The following SMC1A variants were observed in gnomAD, a reference collection of about 807,000 sequenced individuals.
The protein encoded by SMC1A is structural maintenance of chromosomes 1A, also known as structural maintenance of chromosomes protein 1A.
Under a neutral mutation model 94.5 loss-of-function variants are expected in SMC1A, and 4 were observed. The observed-to-expected ratio is 0.04, with a 90% confidence interval of 0.02 to 0.10. The LOEUF is 0.10. Among genes scored for constraint, SMC1A ranks in the 10% least tolerant of loss-of-function variants. The pLI is 1.00. For synonymous variants in SMC1A, 345 were observed against 347.7 expected (o/e 0.99, Z 0.09); for missense variants, 304 against 989.0 (o/e 0.31, Z 9.29).
At chrX:53,416,531 C>T (rs2075733078) in intron 1 of SMC1A, among the ~76,000 whole-genome samples, 1 of 106,256 alleles carries the variant, frequency 9.4e-6, no homozygotes, top group Non-Finnish European at 1.9e-5. Context: ...GCTGGGATTA[C>T]AGGCACACAT....
At chrX:53,388,742 A>G (rs1385864539) in intron 19 of SMC1A, among the ~76,000 whole-genome samples, 4 of 109,963 alleles carry the variant, frequency 3.6e-5, no homozygotes, top group African/African-American at 9.9e-5. Flanking sequence ...TCACACCTGT[A>G]ATCCGAGCAC....
At chrX:53,381,126 G>C in intron 22 of SMC1A, 39 bp from the exon 23 acceptor site, 1 of 889,084 alleles carries the variant, frequency 1.1e-6, no homozygotes, top group Non-Finnish European at 1.7e-6. Context: ...ACTGAGGCGG[G>C]GAGGGGGTGG....
intron 19 of SMC1A, among the ~76,000 whole-genome samples, chrX:53,383,893 C>A (rs1556886210): frequency 9.0e-6 from 1 of 111,558 alleles, no homozygotes; most frequent in Non-Finnish European, 1.9e-5. Flanking sequence ...AAGTAAACAA[C>A]CAGAATACTG....
intron 15 of SMC1A, 109 bp from the exon 16 acceptor site, chrX:53,399,839 G>A (rs1387904237): frequency 1.3e-6 from 1 of 774,647 alleles, no homozygotes; most frequent in Admixed American, 3.0e-5. Context: ...AGGGCTCAGG[G>A]ACCCAGAGTT....
chrX:53,419,890 C>T (rs193202319), intron 1 of SMC1A, among the ~76,000 whole-genome samples: 1 of 109,718 alleles, frequency 9.1e-6, no homozygotes, highest in Admixed American at 9.8e-5. Context: ...TGCAGTGAGC[C>T]GAGGTCATGC....
rs1480360706 is a variant in SMC1A, at chrX:53,374,930, T to C, written c.*5173A>G. 4 of 112,905 alleles carry C rather than the reference T, an allele frequency of 3.5e-5. No homozygotes were observed. The highest frequency in any genetic ancestry group is 1.3e-4 in the African/African-American group (4 of 30,947). 9.3% of individuals were successfully genotyped at this position (112,905 alleles called of 1,213,427 possible). ...CATTCTGCCTCCCTGAAAGATCTGGTTGTTTCATACATTTGCCATTTGATA... is the reference window on the plus strand; with the variant it reads ...CATTCTGCCTCCCTGAAAGATCTGGCTGTTTCATACATTTGCCATTTGATA... On this transcript the variant is annotated 3_prime_UTR_variant, in exon 25 of 25. Coordinates refer to ENST00000322213, the MANE Select transcript of SMC1A (RefSeq NM_006306.4).
chrX:53,380,142 G>A lies in SMC1A; in HGVS notation c.3663C>T (p.Thr1221=), dbSNP rs28997583. The A allele has an allele frequency of 2.2e-5, 27 of 1,206,337 alleles. No individual in the cohort carries two copies. In the Admixed American group the frequency reaches 4.6e-4, roughly 21 times the overall value. ...VISKVLTFDL[T]KYPDANPNPN... is the part of the protein sequence containing the mutation. ...GGTTGGGGTTGGCATCTGGGTACTTGGTGAGGTCGAAGGTCAGGACTTTGC... is the reference window on the plus strand; with the variant it reads ...GGTTGGGGTTGGCATCTGGGTACTTAGTGAGGTCGAAGGTCAGGACTTTGC... Residue 1221 remains threonine (T), a synonymous_variant, in exon 25 of 25, where the codon ACC becomes ACT. Transcript: ENST00000322213.
rs1236208554 is a variant in SMC1A, at chrX:53,378,318, T to A, written c.*1785A>T. The stretch of plus-strand genomic sequence containing the variant: ...AACCTAAAAACAGTCTTAATGTCCA[T>A]CACAAAAGAAATGCGTAAGTAAAAT... On this transcript the variant is annotated 3_prime_UTR_variant, in exon 25 of 25. Coordinates refer to ENST00000322213, the MANE Select transcript of SMC1A (RefSeq NM_006306.4). The A allele has an allele frequency of 8.9e-6, 1 of 112,284 alleles. No individual in the cohort carries two copies. The highest frequency in any genetic ancestry group is 3.2e-5 in the African/African-American group (1 of 30,873). 9.3% of individuals were successfully genotyped at this position (112,284 alleles called of 1,213,427 possible).
In SMC1A at chrX:53,379,722, T is replaced by C. The variant is rs184957599; in HGVS notation, c.*381A>G. 1.4e-4 allele frequency: 28 copies of C among 204,609 alleles called. No individual in the cohort carries two copies. The highest frequency in any genetic ancestry group is 3.9e-4 in the Admixed American group (6 of 15,306). 16.9% of individuals were successfully genotyped at this position (204,609 alleles called of 1,213,427 possible). A position where few individuals can be genotyped will look rare whatever the true frequency, so the allele number is the denominator to read the frequency against. ...TAAAACAGGTCTCCAATATCCTTTA[T>C]TATTTTGCAAACATACTCACATGCA... On this transcript the variant is annotated 3_prime_UTR_variant, in exon 25 of 25. Transcript: ENST00000322213.
chrX:53,408,841 A>T (rs1393889893), intron 9 of SMC1A, among the ~76,000 whole-genome samples: 1 of 1,011 alleles, frequency 9.9e-4, no homozygotes, highest in Non-Finnish European at 2.1e-3. Context: ...GTTGAAAAAT[A>T]AAAAAAAAAA....
rs967429490 is a variant in SMC1A at position 53,382,955 on chromosome X, T to C, written c.3130+142A>G. 4.7e-6 allele frequency: 3 copies of C among 634,145 alleles called. No individual in the cohort carries two copies. In the African/African-American group the frequency reaches 6.7e-5, roughly 14 times the overall value. 52.3% of individuals were successfully genotyped at this position (634,145 alleles called of 1,213,427 possible). ...TTTCCGTTCTATAAAGCAGGTGTAA[T>C]AACCCCTACTGTTTAGGGCTCCTGA... On this transcript the variant is annotated intron_variant, in intron 20 of 24. Coordinates refer to ENST00000322213, the MANE Select transcript of SMC1A (RefSeq NM_006306.4).
In SMC1A at chrX:53,380,028, T is replaced by C. The variant is rs1556885683; in HGVS notation, c.*75A>G. The C allele has an allele frequency of 5.5e-6, 4 of 731,193 alleles. No individual in the cohort carries two copies. Among genetic ancestry groups the C allele is most frequent in the Non-Finnish European group, 8.6e-6 (4 of 465,510 alleles). 60.3% of individuals were successfully genotyped at this position (731,193 alleles called of 1,213,427 possible). On this transcript the variant is annotated 3_prime_UTR_variant, in exon 25 of 25. Coordinates refer to ENST00000322213, the MANE Select transcript of SMC1A (RefSeq NM_006306.4). ...AAAGGGCCAGGAGGTAGGGGGAAGG[T>C]TGGGAGTCAAATATCCAGAGATTGG... is the stretch of plus-strand genomic sequence containing the variant.
intron 19 of SMC1A, among the ~76,000 whole-genome samples, chrX:53,390,349 G>A (rs782072380): frequency 2.8e-4 from 30 of 108,518 alleles, no homozygotes; most frequent in Non-Finnish European, 5.0e-4. Flanking sequence ...TTAGCCAGGC[G>A]AGGTGGTGGG....
chrX:53,411,622 T>G lies in SMC1A; in HGVS notation c.1254+139A>C, dbSNP rs781789045. On this transcript the variant is annotated intron_variant, in intron 7 of 24. Transcript: ENST00000322213. ...AAAAAACAAAAAAAAAGACTATCAT[T>G]ACAGGTTGGGTAACTCTAATCCAAA... The G allele has an allele frequency of 7.0e-6, 5 of 715,935 alleles. No individual in the cohort carries two copies. The African/African-American group carries it at 8.6e-5, about 12-fold the overall frequency. The allele number at this position is 715,935 out of a possible 1,213,427, so 59.0% of individuals were successfully genotyped here. A position where few individuals can be genotyped will look rare whatever the true frequency, so the allele number is the denominator to read the frequency against.
At chrX:53,389,586 C>T (rs1374744927) in intron 19 of SMC1A, among the ~76,000 whole-genome samples, 2 of 110,313 alleles carry the variant, frequency 1.8e-5, no homozygotes, top group African/African-American at 3.3e-5. Context: ...AACAATTAGC[C>T]GGGCATGGTG....
chrX:53,396,844 T>C (rs1326403966), intron 16 of SMC1A, among the ~76,000 whole-genome samples: 1 of 111,996 alleles, frequency 8.9e-6, no homozygotes, highest in African/African-American at 3.2e-5. Context: ...TAGAAAAGTA[T>C]AGAGAAAGTA....
intron 19 of SMC1A, among the ~76,000 whole-genome samples, chrX:53,393,698 C>T: frequency 9.0e-6 from 1 of 111,094 alleles, no homozygotes; most frequent in Middle Eastern, 4.6e-3. Flanking sequence ...TTATCATTCT[C>T]TTTACTTCCA....
Position 53,379,920 on chromosome X carries a change from A to G in SMC1A, c.*183T>C, listed in dbSNP as rs1443059396. ...GAGGCCAGAATACTCCCTGTCGTTC[A>G]GGAATTTTTGCTCCAGACCTAACAT... On this transcript the variant is annotated 3_prime_UTR_variant, in exon 25 of 25. Transcript: ENST00000322213. 1 of 463,164 alleles carries G rather than the reference A, an allele frequency of 2.2e-6. No homozygotes were observed. The highest frequency in any genetic ancestry group is 3.8e-6 in the Non-Finnish European group (1 of 260,066). 38.2% of individuals were successfully genotyped at this position (463,164 alleles called of 1,213,427 possible). A position where few individuals can be genotyped will look rare whatever the true frequency, so the allele number is the denominator to read the frequency against.
At chrX:53,422,431 C>T (rs782046814) in intron 1 of SMC1A, 61 bp downstream of exon 1, 5 of 805,392 alleles carry the variant, frequency 6.2e-6, no homozygotes, top group Non-Finnish European at 9.5e-6. Flanking sequence ...TGTACTACTC[C>T]GGCACCGGAT....
Sources: allele counts gnomAD v4.1 joint callset (sites outside exome capture counted in the v4.1 genomes callset), GRCh38; gene constraint gnomAD v4.1.1; transcripts MANE v1.5; gene names NCBI Gene and HGNC (gene_info 2026-07-23, HGNC 2026-07-21).